The following DENND6A variants were observed in gnomAD, a reference collection of about 807,000 sequenced individuals.
DENND6A encodes protein DENND6A.
In DENND6A, 43 loss-of-function variants were observed where a neutral mutation model predicts 95.5. The ratio of observed to expected loss-of-function variants is 0.45; its 90% CI spans 0.35 to 0.58. The LOEUF (loss-of-function observed/expected upper bound fraction) is 0.58, where lower values mean the gene tolerates loss of function less well. Ranked by LOEUF, DENND6A falls within the 20% of genes least tolerant of loss-of-function variation. The pLI, the probability that DENND6A is intolerant of heterozygous loss-of-function variation, is 0.00. For missense variants in DENND6A, 574 were observed against 736.0 expected (o/e 0.78, Z 2.55); for synonymous variants, 257 against 260.4 (o/e 0.99, Z 0.13).
In DENND6A at chr3:57,628,099, T is replaced by A; in HGVS notation, c.*115A>T. 6.9e-7 allele frequency: 1 copy of A among 1,453,484 alleles called. No homozygotes were observed. Among genetic ancestry groups the A allele is most frequent in the Non-Finnish European group, 9.2e-7 (1 of 1,081,120 alleles). The allele number at this position is 1,453,484 out of a possible 1,614,324, so 90.0% of individuals were successfully genotyped here. A position where few individuals can be genotyped will look rare whatever the true frequency, so the allele number is the denominator to read the frequency against. On this transcript the variant is annotated 3_prime_UTR_variant, in exon 20 of 20. Coordinates refer to ENST00000311128, the MANE Select transcript of DENND6A (RefSeq NM_152678.3). ...CAGTCTTTCTACCCTGTAACTAGCA[T>A]TCATGGCAATTTTCCACTCCGCTGC... is the stretch of plus-strand genomic sequence containing the variant.
chr3:57,668,662 C>T (rs574686735), intron 3 of DENND6A, among the ~76,000 whole-genome samples: 63 of 151,990 alleles, frequency 4.1e-4, no homozygotes, highest in African/African-American at 1.2e-3. Context: ...GGCGGAGGGG[C>T]GGGGAAGGGC....
Position 57,628,158 on chromosome 3 carries a change from A to G in DENND6A, c.*56T>C. 2 of 1,571,194 alleles carry G rather than the reference A, an allele frequency of 1.3e-6. No homozygotes were observed. The highest frequency in any genetic ancestry group is 1.7e-6 in the Non-Finnish European group (2 of 1,157,806). ...GATCTCCTTTGTGCGTCTGGTTGAAATGTCAGTATGCTTCATGATGCATAA... is the reference window on the plus strand; with the variant it reads ...GATCTCCTTTGTGCGTCTGGTTGAAGTGTCAGTATGCTTCATGATGCATAA... On this transcript the variant is annotated 3_prime_UTR_variant, in exon 20 of 20. Coordinates refer to ENST00000311128, the MANE Select transcript of DENND6A (RefSeq NM_152678.3).
chr3:57,676,890 C>T (rs1339459053), intron 1 of DENND6A, among the ~76,000 whole-genome samples: 4 of 151,982 alleles, frequency 2.6e-5, no homozygotes, highest in African/African-American at 9.7e-5. Flanking sequence ...ATGGTGTGAT[C>T]TCAGCTCACT....
chr3:57,668,011 A>C (rs887994388), intron 3 of DENND6A, among the ~76,000 whole-genome samples: 3 of 151,818 alleles, frequency 2.0e-5, no homozygotes, highest in Admixed American at 1.3e-4. Context: ...GGTTGCAGTG[A>C]GCCGAGATCA....
intron 1 of DENND6A, among the ~76,000 whole-genome samples, chr3:57,689,276 G>C (rs2077239432): frequency 6.7e-6 from 1 of 150,186 alleles, no homozygotes; most frequent in Non-Finnish European, 1.5e-5. Flanking sequence ...TTCTTTACTT[G>C]CCAAGTTTTC....
chr3:57,629,022 T>C (rs756374008), intron 18 of DENND6A, 137 bp from the exon 19 acceptor site: 7 of 611,344 alleles, frequency 1.1e-5, no homozygotes, highest in Non-Finnish European at 1.9e-5. Flanking sequence ...TATAGCATTA[T>C]AGTGCAAGAA....
chr3:57,665,712 A>G (rs1286935873), intron 4 of DENND6A, among the ~76,000 whole-genome samples: 3 of 152,216 alleles, frequency 2.0e-5, no homozygotes, highest in Non-Finnish European at 4.4e-5. Flanking sequence ...CTGAATTATT[A>G]AAATGTTTTA....
intron 9 of DENND6A, among the ~76,000 whole-genome samples, chr3:57,647,296 A>G (rs1259735780): frequency 6.6e-6 from 1 of 152,168 alleles, no homozygotes; most frequent in East Asian, 1.9e-4. Flanking sequence ...AAAGAAACAA[A>G]CAACAACAAA....
At chr3:57,648,791 T>C (rs1408760684) in intron 9 of DENND6A, among the ~76,000 whole-genome samples, 1 of 152,052 alleles carries the variant, frequency 6.6e-6, no homozygotes, top group Non-Finnish European at 1.5e-5. Context: ...TAACAAATGG[T>C]GCTGAGATAA....
chr3:57,674,045 C>G (rs1318445269), intron 1 of DENND6A, among the ~76,000 whole-genome samples: 1 of 151,874 alleles, frequency 6.6e-6, no homozygotes, highest in African/African-American at 2.4e-5. Flanking sequence ...GCTGGGATTT[C>G]AGGCGTGAGC....
In DENND6A at chr3:57,672,435, T is replaced by C. The variant is rs369719122; in HGVS notation, c.241A>G (p.Ile81Val). 5.0e-6 allele frequency: 8 copies of C among 1,611,876 alleles called. No homozygotes were observed. Among genetic ancestry groups the C allele is most frequent in the Non-Finnish European group, 6.8e-6 (8 of 1,179,128 alleles). The change falls in exon 2 of 20, where the codon ATT becomes GTT. Residue 81 changes from isoleucine (I) to valine (V), a missense_variant. Physicochemically the swap from Ile to Val is conservative, Grantham distance 29. Coordinates refer to ENST00000311128, the MANE Select transcript of DENND6A (RefSeq NM_152678.3). ...DLELGQAVEV[I>V]YPQHSKLTDR... ...GTAAGTTTGGAATGCTGAGGATAAATTACCTGGAAGAAAAGAGTTAAATTT... is the reference window on the plus strand; with the variant it reads ...GTAAGTTTGGAATGCTGAGGATAAACTACCTGGAAGAAAAGAGTTAAATTT...
chr3:57,634,480 A>T, intron 14 of DENND6A, 78 bp downstream of exon 14: 1 of 793,176 alleles, frequency 1.3e-6, no homozygotes, highest in Non-Finnish European at 1.8e-6. Context: ...ATTAGTATAC[A>T]TAAAGGACAT....
intron 1 of DENND6A, among the ~76,000 whole-genome samples, chr3:57,673,731 T>C (rs1344471304): frequency 6.6e-6 from 1 of 151,850 alleles, no homozygotes; most frequent in African/African-American, 2.4e-5. Flanking sequence ...AATAATGAAG[T>C]TTTTTTTGTG....
intron 1 of DENND6A, among the ~76,000 whole-genome samples, chr3:57,690,083 G>A (rs963728938): frequency 5.3e-5 from 8 of 149,668 alleles, no homozygotes; most frequent in South Asian, 4.2e-4. Flanking sequence ...GGTGGCTCAC[G>A]CCTGTAATCC....
chr3:57,663,479 A>ATATAT (rs1295317336), intron 5 of DENND6A, among the ~76,000 whole-genome samples, 157 bp downstream of exon 5: 11 of 128,716 alleles, frequency 8.5e-5, no homozygotes, highest in African/African-American at 2.7e-4. Flanking sequence ...AAAAAAAAAA[A>ATATAT]AAAAAAAAAT....
chr3:57,674,675 T>C (rs2071680356), intron 1 of DENND6A, among the ~76,000 whole-genome samples: 1 of 152,132 alleles, frequency 6.6e-6, no homozygotes, highest in Admixed American at 6.6e-5. Context: ...AATAAATAAC[T>C]AGTTCTGCAG....
intron 9 of DENND6A, among the ~76,000 whole-genome samples, chr3:57,655,275 C>T (rs959768159): frequency 6.6e-6 from 1 of 152,150 alleles, no homozygotes; most frequent in Non-Finnish European, 1.5e-5. Context: ...CCTCATGATC[C>T]GCCCGCCTCG....
At chr3:57,681,459 G>A (rs921214536) in intron 1 of DENND6A, among the ~76,000 whole-genome samples, 2 of 150,032 alleles carry the variant, frequency 1.3e-5, no homozygotes, top group African/African-American at 4.9e-5. Context: ...GCAAGACTCT[G>A]CCTCAAAAAA....
chr3:57,648,802 T>C (rs1007292010), intron 9 of DENND6A, among the ~76,000 whole-genome samples: 11 of 152,124 alleles, frequency 7.2e-5, no homozygotes, highest in African/African-American at 2.4e-4. Flanking sequence ...GCTGAGATAA[T>C]TGGCAAGCCA....
Sources: allele counts gnomAD v4.1 joint callset (sites outside exome capture counted in the v4.1 genomes callset), GRCh38; gene constraint gnomAD v4.1.1; transcripts MANE v1.5; gene names NCBI Gene and HGNC (gene_info 2026-07-23, HGNC 2026-07-21).